Variants in FAM3B observed in about 807,000 individuals in gnomAD.
The protein encoded by FAM3B is FAM3 metabolism regulating signaling molecule B, also known as protein FAM3B.
Under a neutral mutation model 28.4 loss-of-function variants are expected in FAM3B, and 29 were observed. The observed-to-expected ratio is 1.02, with a 90% CI of 0.76 to 1.39. FAM3B has a LOEUF of 1.39. Among genes scored for constraint, FAM3B ranks in the 40% most tolerant of loss-of-function variants. The probability of loss-of-function intolerance (pLI) is 0.00; values close to 1 mark genes in which losing one functional copy is unlikely to be tolerated. For synonymous variants in FAM3B, 91 were observed against 103.0 expected, an observed-to-expected ratio of 0.88 and a Z score of 0.71; for missense variants, 266 against 293.9, an observed-to-expected ratio of 0.91 and a Z score of 0.69.
At position 41,321,105 on chromosome 21, in the gene FAM3B, TACA is replaced by T. The variant is rs1363916459; in HGVS notation, c.20-1814_20-1812del. 11 of 152,316 alleles carry T rather than the reference TACA, an allele frequency of 7.2e-5. No homozygotes were observed. In the East Asian group the frequency reaches 1.7e-3, roughly 24 times the overall value. The allele number at this position is 152,316 out of a possible 1,614,324, so 9.4% of individuals were successfully genotyped here. ...TGGTTAGCCAGTTTCCTTCTCCAAA[TACA>T]ACACTTGGATGAAACAGTCCAGCTA... On this transcript the variant is annotated intron_variant, in intron 1 of 7. Transcript: ENST00000357985.
upstream of FAM3B, among the ~76,000 whole-genome samples, chr21:41,315,273 G>T (rs966471849): frequency 3.3e-5 from 5 of 152,112 alleles, no homozygotes; most frequent in African/African-American, 9.7e-5. Flanking sequence ...GTTTCCAGGG[G>T]CTGGGGGCAA....
intron 3 of FAM3B, 33 bp downstream of exon 3, chr21:41,338,534 G>A (rs754513716): frequency 3.0e-5 from 48 of 1,611,756 alleles, no homozygotes; most frequent in South Asian, 8.8e-5. Flanking sequence ...AAAATAAAGC[G>A]ATCCTACTGA....
chr21:41,315,662 G>C (rs1322129771), upstream of FAM3B, among the ~76,000 whole-genome samples: 1 of 152,148 alleles, frequency 6.6e-6, no homozygotes, highest in Non-Finnish European at 1.5e-5. Flanking sequence ...TGAGTCATTA[G>C]GAAGGATTCC....
At chr21:41,318,497 C>T (rs66933393) in intron 1 of FAM3B, among the ~76,000 whole-genome samples, 25,327 of 152,180 alleles carry the variant, frequency 0.17, 2,274 homozygotes, top group African/African-American at 0.22. Flanking sequence ...TTCAGAGTGG[C>T]CCTTCCTAGC....
chr21:41,310,831 A>T (rs758403916), intron 1 of FAM3B, among the ~76,000 whole-genome samples: 2 of 152,174 alleles, frequency 1.3e-5, no homozygotes, highest in African/African-American at 2.4e-5. Flanking sequence ...AAGTAATGAC[A>T]AGTGTAAGTG....
intron 2 of FAM3B, among the ~76,000 whole-genome samples, chr21:41,332,110 T>G (rs2088911491): frequency 6.6e-6 from 1 of 152,196 alleles, no homozygotes; most frequent in Non-Finnish European, 1.5e-5. Context: ...TGAGTTCTTG[T>G]GAGATCTGGT....
At chr21:41,349,569 C>G (rs1028431416) in intron 7 of FAM3B, among the ~76,000 whole-genome samples, 1 of 152,222 alleles carries the variant, frequency 6.6e-6, no homozygotes, top group African/African-American at 2.4e-5. Flanking sequence ...ATTTCAGGCT[C>G]TGACATTTGG....
At chr21:41,304,555 C>G (rs2088671915) in intron 1 of FAM3B, among the ~76,000 whole-genome samples, 1 of 152,212 alleles carries the variant, frequency 6.6e-6, no homozygotes. Context: ...CATCTGCACT[C>G]ATCCCCAGAC....
intron 1 of FAM3B, among the ~76,000 whole-genome samples, chr21:41,306,161 C>G (rs115287974): frequency 6.6e-6 from 1 of 152,192 alleles, no homozygotes; most frequent in Non-Finnish European, 1.5e-5. Context: ...TGCAGCAATT[C>G]AGTCACATCT....
At chr21:41,305,454 GT>G (rs1006639132) in intron 1 of FAM3B, among the ~76,000 whole-genome samples, 4 of 151,990 alleles carry the variant, frequency 2.6e-5, no homozygotes, top group African/African-American at 9.7e-5. Flanking sequence ...ACTGCTATGA[GT>G]TTTTGTTTTG....
intron 2 of FAM3B, among the ~76,000 whole-genome samples, chr21:41,335,216 G>A (rs959350633): frequency 6.6e-6 from 1 of 152,136 alleles, no homozygotes; most frequent in Non-Finnish European, 1.5e-5. Context: ...GAGTGATTTT[G>A]GACTTTGGGG....
upstream of FAM3B, chr21:41,316,781 G>C (rs1826211284): frequency 1.4e-5 from 18 of 1,243,384 alleles, no homozygotes; most frequent in Non-Finnish European, 1.7e-5. Flanking sequence ...TGCCCGACAC[G>C]ACCGCTGCCC....
intron 1 of FAM3B, among the ~76,000 whole-genome samples, chr21:41,306,003 G>A (rs1030293002): frequency 1.3e-5 from 2 of 152,182 alleles, no homozygotes; most frequent in East Asian, 1.9e-4. Flanking sequence ...CTCTATCAAC[G>A]AAGTTTATGT....
At chr21:41,335,901 C>G (rs2088951428) in intron 2 of FAM3B, among the ~76,000 whole-genome samples, 1 of 152,220 alleles carries the variant, frequency 6.6e-6, no homozygotes, top group South Asian at 2.1e-4. Context: ...CTCTGTATGT[C>G]TATTAGATGC....
Position 41,357,401 on chromosome 21 carries a change from C to A in FAM3B, c.*204C>A. ...TTTATGTAGTGAAGATGTCAATTAG[C>A]AGGAAACTAAAATGAATGGAAATTC... On this transcript the variant is annotated 3_prime_UTR_variant, in exon 8 of 8. Coordinates refer to ENST00000357985, the MANE Select transcript of FAM3B (RefSeq NM_058186.4). The A allele has an allele frequency of 5.0e-6, 2 of 401,380 alleles. No individual in the cohort carries two copies. Among genetic ancestry groups the A allele is most frequent in the Non-Finnish European group, 4.6e-6 (1 of 216,966 alleles). 24.9% of individuals were successfully genotyped at this position (401,380 alleles called of 1,614,324 possible). A position where few individuals can be genotyped will look rare whatever the true frequency, so the allele number is the denominator to read the frequency against.
At chr21:41,333,616 C>G (rs2088926995) in intron 2 of FAM3B, among the ~76,000 whole-genome samples, 1 of 152,176 alleles carries the variant, frequency 6.6e-6, no homozygotes, top group Admixed American at 6.5e-5. Flanking sequence ...CAATTAAAAC[C>G]CTTTTCTTTC....
At chr21:41,349,919 G>A (rs7276519) in intron 7 of FAM3B, among the ~76,000 whole-genome samples, 2,033 of 152,080 alleles carry the variant, frequency 0.013, 48 homozygotes, top group African/African-American at 0.047. Flanking sequence ...GTTTCCCGGG[G>A]CCCTGGCCTC....
chr21:41,317,176 G>C (rs1601347470), intron 1 of FAM3B, among the ~76,000 whole-genome samples: 1 of 152,300 alleles, frequency 6.6e-6, no homozygotes, highest in Admixed American at 6.5e-5. Flanking sequence ...TGGGATTAGG[G>C]AGGAACCTGG....
At chr21:41,356,701 G>A (rs1023492731) in intron 7 of FAM3B, among the ~76,000 whole-genome samples, 2 of 152,010 alleles carry the variant, frequency 1.3e-5, no homozygotes, top group African/African-American at 2.4e-5. Flanking sequence ...TAAGAAACAC[G>A]GTATAAATAT....
Sources: gnomAD v4.1 joint callset for allele counts (sites outside exome capture counted in the v4.1 genomes callset) on GRCh38, gnomAD v4.1.1 for gene constraint, MANE v1.5 for transcripts, NCBI Gene and HGNC (gene_info 2026-07-23, HGNC 2026-07-21) for gene names.